The following RALYL variants were observed in gnomAD, a reference collection of about 807,000 sequenced individuals.
RALYL encodes RNA-binding Raly-like protein.
Under a neutral mutation model 35.1 loss-of-function variants are expected in RALYL, and 29 were observed. That is an observed-to-expected ratio of 0.83 (90% CI 0.61 to 1.13). The LOEUF (loss-of-function observed/expected upper bound fraction) is 1.13. Among genes scored for constraint, RALYL ranks in the 50% most tolerant of loss-of-function variants. The pLI, the probability that RALYL is intolerant of heterozygous loss-of-function variation, is 0.00. For missense variants in RALYL, 359 were observed against 360.4 expected (o/e 1.00, Z 0.03); for synonymous variants, 120 against 127.6 (o/e 0.94, Z 0.40).
chr8:84,740,381 G>A (rs541068698), intron 2 of RALYL, among the ~76,000 whole-genome samples: 16 of 151,732 alleles, frequency 1.1e-4, no homozygotes, highest in South Asian at 6.3e-4. Flanking sequence ...CAAAGAGGGC[G>A]GAATAAAAGC....
chr8:84,652,776 C>T (rs1413945673), intron 2 of RALYL, among the ~76,000 whole-genome samples: 2 of 151,992 alleles, frequency 1.3e-5, no homozygotes, highest in South Asian at 2.1e-4. Context: ...CCCATGTATT[C>T]TGGTTGTCTG....
chr8:84,732,524 C>G (rs28626444), intron 2 of RALYL, among the ~76,000 whole-genome samples: 6,380 of 151,630 alleles, frequency 0.042, 469 homozygotes, highest in African/African-American at 0.15. Flanking sequence ...AAGAACAAAA[C>G]TAATGTTTTT....
At chr8:84,286,313 G>A (rs7831643) in intron 1 of RALYL, among the ~76,000 whole-genome samples, 7,009 of 152,196 alleles carry the variant, frequency 0.046, 532 homozygotes, top group African/African-American at 0.16. Flanking sequence ...TTGTGCAAGC[G>A]GAAATAAGAA....
intron 2 of RALYL, among the ~76,000 whole-genome samples, chr8:84,552,356 ATATTTT>A (rs1428444283): frequency 4.0e-5 from 2 of 49,666 alleles, no homozygotes; most frequent in African/African-American, 8.4e-5. Flanking sequence ...ATATATATAT[ATATTTT>A]TTTTTTTTTT....
In RALYL at chr8:84,835,394, A is replaced by G. The variant is rs141552185; in HGVS notation, c.366-14586A>G. Among the ~76,000 whole-genome samples the G allele has an allele frequency of 7.9e-5, 12 of 151,566 alleles. No individual in the cohort carries two copies. The East Asian group carries it at 2.3e-3, about 29-fold the overall frequency. On this transcript the variant is annotated intron_variant, in intron 4 of 8. Transcript: ENST00000521268. ...TTAAGAATGAACATATTGGCTGGGC[A>G]CGGGGGCTCACGCCTGTAATGCCAG...
rs575856571 is a variant in RALYL, at chr8:84,390,825, C to T, written c.-23-138474C>T. On this transcript the variant is annotated intron_variant, in intron 1 of 8. Coordinates refer to ENST00000521268, the MANE Select transcript of RALYL (RefSeq NM_173848.7). The stretch of plus-strand genomic sequence containing the variant: ...CATGTCTAATAATGGGATGTAGTTC[C>T]TCCCAGTCCACTGTCTCCTCTCCTT... 2.0e-5 allele frequency among the ~76,000 whole-genome samples: 3 copies of T among 152,028 alleles called. No homozygotes were observed. In the South Asian group the frequency reaches 6.2e-4, roughly 32 times the overall value.
chr8:84,336,616 T>C (rs931742473), intron 1 of RALYL, among the ~76,000 whole-genome samples: 3 of 152,148 alleles, frequency 2.0e-5, no homozygotes, highest in African/African-American at 7.2e-5. Context: ...GGGGAATCAT[T>C]TAAAAATAAA....
At chr8:84,566,759 G>T (rs1469767927) in intron 2 of RALYL, among the ~76,000 whole-genome samples, 5 of 151,594 alleles carry the variant, frequency 3.3e-5, no homozygotes, top group Non-Finnish European at 7.4e-5. Context: ...TGAAATAAGA[G>T]CCAAACAATG....
chr8:84,516,439 G>T (rs910856840), intron 1 of RALYL, among the ~76,000 whole-genome samples: 1 of 145,108 alleles, frequency 6.9e-6, no homozygotes, highest in African/African-American at 2.5e-5. Context: ...CTACTTTGTG[G>T]CTCGTTTTTA....
At chr8:84,322,726 C>G (rs1237552274) in intron 1 of RALYL, among the ~76,000 whole-genome samples, 1 of 151,996 alleles carries the variant, frequency 6.6e-6, no homozygotes, top group Non-Finnish European at 1.5e-5. Flanking sequence ...TGACCAGTGC[C>G]TGGTAGAGTA....
intron 3 of RALYL, among the ~76,000 whole-genome samples, chr8:84,795,381 T>G (rs1172128484): frequency 6.6e-6 from 1 of 152,010 alleles, no homozygotes; most frequent in Non-Finnish European, 1.5e-5. Context: ...TACTGATTCC[T>G]TTTTATCTCT....
intron 1 of RALYL, among the ~76,000 whole-genome samples, chr8:84,455,486 T>C (rs2050026623): frequency 6.6e-6 from 1 of 152,026 alleles, no homozygotes; most frequent in African/African-American, 2.4e-5. Context: ...CTGAAAGAAT[T>C]ATCCCAAATT....
intron 2 of RALYL, among the ~76,000 whole-genome samples, chr8:84,716,616 C>A (rs1233402333): frequency 6.6e-6 from 1 of 152,142 alleles, no homozygotes; most frequent in Non-Finnish European, 1.5e-5. Context: ...ATGATACACT[C>A]AATTTTGATA....
At chr8:84,804,866 G>T in intron 4 of RALYL, 64 bp downstream of exon 4, 1 of 867,076 alleles carries the variant, frequency 1.2e-6, no homozygotes, top group South Asian at 3.7e-5. Flanking sequence ...GAACTTCTGA[G>T]ATGGTATTTT....
intron 2 of RALYL, among the ~76,000 whole-genome samples, chr8:84,591,031 T>C (rs1304878623): frequency 3.9e-5 from 6 of 152,186 alleles, no homozygotes; most frequent in Non-Finnish European, 8.8e-5. Context: ...TCTTCTCTTC[T>C]GTGGGAAGTC....
chr8:84,423,167 T>A (rs1172987368), intron 1 of RALYL, among the ~76,000 whole-genome samples: 1 of 151,082 alleles, frequency 6.6e-6, no homozygotes, highest in East Asian at 1.9e-4. Flanking sequence ...TCTCCCGTTA[T>A]TAATGTGTGG....
intron 1 of RALYL, among the ~76,000 whole-genome samples, chr8:84,190,654 C>A (rs559170824): frequency 1.1e-4 from 17 of 152,142 alleles, no homozygotes; most frequent in African/African-American, 4.1e-4. Context: ...GTAGGAGAGC[C>A]TTATTTGGTT....
At chr8:84,850,820 A>G (rs1294301772) in intron 5 of RALYL, among the ~76,000 whole-genome samples, 4 of 152,098 alleles carry the variant, frequency 2.6e-5, no homozygotes, top group Non-Finnish European at 4.4e-5. Context: ...CATTCTATCA[A>G]TGTTGTGAAC....
chr8:84,913,841 A>C (rs1299454281), intron 8 of RALYL, among the ~76,000 whole-genome samples: 1 of 151,876 alleles, frequency 6.6e-6, no homozygotes, highest in African/African-American at 2.4e-5. Context: ...AAAAAAAAGG[A>C]GGGTTATGTA....
Sources: allele counts gnomAD v4.1 joint callset (sites outside exome capture counted in the v4.1 genomes callset), GRCh38; gene constraint gnomAD v4.1.1; transcripts MANE v1.5; gene names NCBI Gene and HGNC (gene_info 2026-07-23, HGNC 2026-07-21).